PLEKHG4B: variants seen among roughly 807,000 people sequenced by gnomAD.
PLEKHG4B encodes the protein pleckstrin homology and RhoGEF domain containing G4B.
In PLEKHG4B, 111 loss-of-function variants were observed where a neutral mutation model predicts 121.3. The observed-to-expected ratio is 0.92, with a 90% confidence interval of 0.78 to 1.07. PLEKHG4B has a LOEUF of 1.07. PLEKHG4B is among the 50% of genes least tolerant of loss of function. The probability of loss-of-function intolerance (pLI) is 0.00; values close to 1 mark genes in which losing one functional copy is unlikely to be tolerated. For synonymous variants in PLEKHG4B, 738 were observed against 725.0 expected (o/e 1.02, Z -0.29); for missense variants, 1,831 against 1,757.8 (o/e 1.04, Z -0.74).
chr5:148,290 T>G (rs1735491864), intron 6 of PLEKHG4B, among the ~76,000 whole-genome samples: 1 of 150,356 alleles, frequency 6.7e-6, no homozygotes. Context: ...GAAGTAAAAT[T>G]ATCTCTATTC....
At position 184,012 on chromosome 5, in the gene PLEKHG4B, G is replaced by GATAGATAGATAGATAT. The variant is rs1733532912; in HGVS notation, c.*1704_*1705insTATAGATAGATAGATA. On this transcript the variant is annotated 3_prime_UTR_variant, in exon 20 of 20. Transcript: ENST00000637938. ...AGATCGATAGATAGATAGATAGATAGATAGATAGATAGATAGACTGACAGA... is the reference window on the plus strand; with the variant it reads ...AGATCGATAGATAGATAGATAGATAGATAGATAGATAGATATATAGATAGATAGATAGACTGACAGA... 2 of 149,416 alleles carry GATAGATAGATAGATAT rather than the reference G, an allele frequency of 1.3e-5. No individual in the cohort carries two copies. Among genetic ancestry groups the GATAGATAGATAGATAT allele is most frequent in the African/African-American group, 5.1e-5 (2 of 38,938 alleles). The allele number at this position is 149,416 out of a possible 1,614,324, so 9.3% of individuals were successfully genotyped here. A position where few individuals can be genotyped will look rare whatever the true frequency, so the allele number is the denominator to read the frequency against.
Position 173,086 on chromosome 5 carries a change from G to T in PLEKHG4B, c.4221+19G>T. ...CTTCAAGGTAGCACCCGCCCGGTCC[G>T]ATTGGGTGCAGGCCGAGCCAGGCCC... is the stretch of plus-strand genomic sequence containing the variant. On this transcript the variant is annotated intron_variant, in intron 17 of 19. Coordinates refer to ENST00000637938, the MANE Select transcript of PLEKHG4B (RefSeq NM_052909.5). 6.2e-7 allele frequency: 1 copy of T among 1,611,018 alleles called. No homozygotes were observed. Among genetic ancestry groups the T allele is most frequent in the South Asian group, 1.1e-5 (1 of 90,994 alleles).
intron 11 of PLEKHG4B, 136 bp from the exon 12 acceptor site, chr5:161,647 A>C: frequency 9.5e-7 from 1 of 1,047,682 alleles, no homozygotes; most frequent in Non-Finnish European, 1.4e-6. Context: ...GCTCTCGAGA[A>C]TGAGAGGCAG....
chr5:98,033 A>C (rs1469841578), intron 1 of PLEKHG4B, among the ~76,000 whole-genome samples: 1 of 152,060 alleles, frequency 6.6e-6, no homozygotes, highest in Non-Finnish European at 1.5e-5. Context: ...CATTATATCT[A>C]TATATCTTTT....
At position 171,144 on chromosome 5, in the gene PLEKHG4B, C is replaced by T. The variant is rs780307159; in HGVS notation, c.3819+12C>T. Reference sequence around the variant, plus strand: ...ACGCCTTCTTCAAGGTCATCCCCCTCGGCCCGCCCCCCACAGCCTGCCCGG... The same window carrying T: ...ACGCCTTCTTCAAGGTCATCCCCCTTGGCCCGCCCCCCACAGCCTGCCCGG... On this transcript the variant is annotated intron_variant, in intron 15 of 19. Transcript: ENST00000637938. 86 of 1,610,904 alleles carry T rather than the reference C, an allele frequency of 5.3e-5. No individual in the cohort carries two copies. Among genetic ancestry groups the T allele is most frequent in the Non-Finnish European group, 7.0e-5 (82 of 1,178,436 alleles).
rs1027676690 is a variant in PLEKHG4B, at chr5:163,400, G to T, written c.3328G>T (p.Gly1110Cys). 4 of 1,613,062 alleles carry T rather than the reference G, an allele frequency of 2.5e-6. No individual in the cohort carries two copies. Among genetic ancestry groups the T allele is most frequent in the Non-Finnish European group, 3.4e-6 (4 of 1,180,040 alleles). ...AGACCATACTAGTGTCTTCAGCAAG[G>T]GCCTGGAGGTAACCAGCACTGTAGC... ...QPDHTSVFSK[G>C]LEVTSTVATE... Residue 1110 changes from glycine (G) to cysteine (C), a missense_variant, in exon 13 of 20, where the codon GGC (glycine) becomes TGC (cysteine). Coordinates refer to ENST00000637938, the MANE Select transcript of PLEKHG4B (RefSeq NM_052909.5).
intron 1 of PLEKHG4B, among the ~76,000 whole-genome samples, chr5:110,578 G>A (rs760540951): frequency 2.8e-5 from 4 of 142,536 alleles, no homozygotes; most frequent in Non-Finnish European, 6.0e-5. Flanking sequence ...CAACACACGC[G>A]CACACATCCA....
rs1049841314 is a variant in PLEKHG4B, at chr5:156,777, A to T, written c.2353A>T (p.Thr785Ser). 1 of 1,551,450 alleles carries T rather than the reference A, an allele frequency of 6.4e-7. No homozygotes were observed. Among genetic ancestry groups the T allele is most frequent in the Admixed American group, 1.9e-5 (1 of 51,314 alleles). The change falls in exon 11 of 20, where the codon ACC (threonine) becomes TCC (serine). Residue 785 changes from threonine to serine, a missense_variant. Thr to Ser is a moderately conservative substitution (Grantham distance 58). Transcript: ENST00000637938. This position sits in a 1 kb window ranked among gnomAD's most constrained non-coding sequence, Gnocchi z 4.4. ...GGACTGCCTTCTCTTCCTCAGGGAC[A>T]CCCTGGAGGCCGCCACAAGCCTGTA... is the stretch of plus-strand genomic sequence containing the variant. ...EELGTEDSRD[T>S]LEAATSLYDR... is the part of the protein sequence containing the mutation.
At chr5:150,701 A>G (rs1335853772) in intron 6 of PLEKHG4B, among the ~76,000 whole-genome samples, 1 of 152,220 alleles carries the variant, frequency 6.6e-6, no homozygotes, top group Non-Finnish European at 1.5e-5. Flanking sequence ...TCACTGGGGA[A>G]ATGCAACTGA....
chr5:98,603 T>TTGTGTGTGTGTGTG (rs35724214), intron 1 of PLEKHG4B, among the ~76,000 whole-genome samples: 15 of 111,546 alleles, frequency 1.3e-4, no homozygotes, highest in African/African-American at 5.8e-4. Context: ...CCTGGCTAAT[T>TTGTGTGTGTGTGTG]TGTGTGTGTG....
Position 139,277 on chromosome 5 carries a change from G to A in PLEKHG4B, c.244-206G>A, listed in dbSNP as rs557648469. 1.3e-5 allele frequency among the ~76,000 whole-genome samples: 2 copies of A among 152,292 alleles called. No individual in the cohort carries two copies. Among genetic ancestry groups the A allele is most frequent in the African/African-American group, 4.8e-5 (2 of 41,562 alleles). On this transcript the variant is annotated intron_variant, in intron 2 of 19. Transcript: ENST00000637938. This position sits in a 1 kb window ranked among gnomAD's most constrained non-coding sequence, Gnocchi z 5.0. ...GAGCTATACAATTGCTTTTTTAACT[G>A]ACCCCTGAACCAAAGAGCAGCCCGT...
chr5:148,344 C>CAAAAAAAAAAAAA (rs71590513), intron 6 of PLEKHG4B, among the ~76,000 whole-genome samples: 2 of 94,330 alleles, frequency 2.1e-5, no homozygotes, highest in Non-Finnish European at 2.4e-5. Flanking sequence ...AACAGTTCCA[C>CAAAAAAAAAAAAA]AAAAAAAAAA....
Position 98,425 on chromosome 5 carries a change from CTTTTTTTTTTTTTTTTTT to C in PLEKHG4B, c.45+6160_45+6177del, listed in dbSNP as rs55733931. On this transcript the variant is annotated intron_variant, in intron 1 of 19. Transcript: ENST00000637938. ...GTCAGTACCACATTGTTTACTGTAG[CTTTTTTTTTTTTTTTTTT>C]TTTTTTTTTTGAGATGGAGTCTCAC... Among the ~76,000 whole-genome samples, 5 of 46,828 alleles carry C rather than the reference CTTTTTTTTTTTTTTTTTT, an allele frequency of 1.1e-4. No individual in the cohort carries two copies. In the East Asian group the frequency reaches 3.4e-3, roughly 31 times the overall value. 30.7% of individuals were successfully genotyped at this position (46,828 alleles called of 152,430 possible).
intron 1 of PLEKHG4B, among the ~76,000 whole-genome samples, chr5:97,117 C>T (rs1188817339): frequency 6.6e-6 from 1 of 152,042 alleles, no homozygotes; most frequent in Non-Finnish European, 1.5e-5. Context: ...AAACCCCTTA[C>T]CTGTCATTCA....
intron 1 of PLEKHG4B, among the ~76,000 whole-genome samples, chr5:106,593 C>G (rs1381368418): frequency 6.6e-6 from 1 of 152,142 alleles, no homozygotes; most frequent in Non-Finnish European, 1.5e-5. Context: ...ATTTCAAAAC[C>G]TGAAACAAAT....
chr5:133,909 A>G (rs929795645), intron 2 of PLEKHG4B, among the ~76,000 whole-genome samples: 2 of 126,848 alleles, frequency 1.6e-5, no homozygotes, highest in African/African-American at 8.0e-5. Context: ...GATAAAGAAA[A>G]TGTGACACAC....
rs117588581 is a variant in PLEKHG4B, at chr5:173,186, C to T, written c.4221+119C>T. The T allele has an allele frequency of 1.8e-3, 1,708 of 960,904 alleles. 45 individuals are homozygous for T. In the East Asian group the frequency reaches 0.039, roughly 22 times the overall value. 59.5% of individuals were successfully genotyped at this position (960,904 alleles called of 1,614,324 possible). ...GGGAGGGAGTGAAGCGGGGAGGAGCCGCACTGCGATGTTTGTTTTCTGCGG... is the reference window on the plus strand; with the variant it reads ...GGGAGGGAGTGAAGCGGGGAGGAGCTGCACTGCGATGTTTGTTTTCTGCGG... On this transcript the variant is annotated intron_variant, in intron 17 of 19. Transcript: ENST00000637938.
At chr5:162,645 G>A in intron 12 of PLEKHG4B, 77 bp from the exon 13 acceptor site, 1 of 1,103,468 alleles carries the variant, frequency 9.1e-7, no homozygotes, top group Non-Finnish European at 1.2e-6. Flanking sequence ...GGCTGACCTG[G>A]GGAACAGCAG....
chr5:187,353 G>C lies in PLEKHG4B; in HGVS notation c.*5030G>C, dbSNP rs77905793. On this transcript the variant is annotated 3_prime_UTR_variant, in exon 20 of 20. Coordinates refer to ENST00000637938, the MANE Select transcript of PLEKHG4B (RefSeq NM_052909.5). ...TGAGGGCTGTGGCTTAGCTGGGCCT[G>C]CGTCCATCCCCGGTTCTGGGGAGAT... 6.6e-6 allele frequency: 1 copy of C among 152,446 alleles called. No homozygotes were observed. The highest frequency in any genetic ancestry group is 1.9e-4 in the East Asian group (1 of 5,180). The allele number at this position is 152,446 out of a possible 1,614,324, so 9.4% of individuals were successfully genotyped here. A position where few individuals can be genotyped will look rare whatever the true frequency, so the allele number is the denominator to read the frequency against.
Sources: gnomAD v4.1 joint callset for allele counts (sites outside exome capture counted in the v4.1 genomes callset) on GRCh38, gnomAD v4.1.1 for gene constraint, Gnocchi (gnomAD v3.1) non-coding constraint, MANE v1.5 for transcripts, NCBI Gene and HGNC (gene_info 2026-07-23, HGNC 2026-07-21) for gene names.